PTGS1: variants seen among roughly 807,000 people sequenced by gnomAD.
PTGS1 encodes the protein prostaglandin G/H synthase 1.
PTGS1 carries 40 observed loss-of-function variants against 63.0 expected under a neutral mutation model. That is an observed-to-expected ratio of 0.63 (90% CI 0.49 to 0.83). The LOEUF is 0.83. Ranked by LOEUF, PTGS1 falls within the 40% of genes least tolerant of loss-of-function variation. PTGS1 has a pLI of 0.00. For missense variants in PTGS1, 709 were observed against 786.5 expected, an observed-to-expected ratio of 0.90 and a Z score of 1.18; for synonymous variants, 298 against 301.9, an observed-to-expected ratio of 0.99 and a Z score of 0.13.
chr9:122,372,517 A>G (rs1836864709), intron 2 of PTGS1: 1 of 152,172 alleles, frequency 6.6e-6, no homozygotes, highest in Non-Finnish European at 1.5e-5. Context: ...GACCCAGTCT[A>G]CAGAAGGGGA....
intron 9 of PTGS1, among the ~76,000 whole-genome samples, chr9:122,388,971 A>G (rs1254493528): frequency 6.6e-6 from 1 of 152,074 alleles, no homozygotes; most frequent in Non-Finnish European, 1.5e-5. Flanking sequence ...TTCAACCCTC[A>G]ACAGCCCCAC....
intron 2 of PTGS1, among the ~76,000 whole-genome samples, chr9:122,372,243 G>C (rs1179391060): frequency 6.6e-6 from 1 of 152,190 alleles, no homozygotes; most frequent in African/African-American, 2.4e-5. Context: ...TAAGGATCTG[G>C]TGCGTGGGGG....
intron 2 of PTGS1, among the ~76,000 whole-genome samples, chr9:122,373,295 G>A (rs1446508363): frequency 1.3e-5 from 2 of 152,326 alleles, no homozygotes; most frequent in African/African-American, 2.4e-5. Context: ...AGAAGGTCTG[G>A]GTTGCCCTCA....
chr9:122,379,627 C>T (rs113708294), intron 5 of PTGS1, among the ~76,000 whole-genome samples: 38 of 152,320 alleles, frequency 2.5e-4, no homozygotes, highest in African/African-American at 7.0e-4. Context: ...ACTACTGTGA[C>T]GGTTTTCCAT....
At chr9:122,378,713 A>G in intron 4 of PTGS1, 62 bp from the exon 5 acceptor site, 5 of 1,607,418 alleles carry the variant, frequency 3.1e-6, no homozygotes, top group Non-Finnish European at 4.3e-6. Flanking sequence ...AGGAGGAGGC[A>G]AGAACTGGGA....
Position 122,392,649 on chromosome 9 carries a change from G to C in PTGS1, c.*105G>C. ...AAATGCTCATTTTCTGGTTTGGCATGGTGAGTGTTGGGGTTGACATTTAGA... is the reference window on the plus strand; with the variant it reads ...AAATGCTCATTTTCTGGTTTGGCATCGTGAGTGTTGGGGTTGACATTTAGA... On this transcript the variant is annotated 3_prime_UTR_variant, in exon 11 of 11. Transcript: ENST00000362012. 1.0e-6 allele frequency: 1 copy of C among 995,676 alleles called. No individual in the cohort carries two copies. Among genetic ancestry groups the C allele is most frequent in the South Asian group, 1.6e-5 (1 of 61,102 alleles). The allele number at this position is 995,676 out of a possible 1,614,324, so 61.7% of individuals were successfully genotyped here.
At chr9:122,371,483 G>C in intron 2 of PTGS1, 2 of 1,267,310 alleles carry the variant, frequency 1.6e-6, no homozygotes, top group Non-Finnish European at 2.1e-6. Context: ...GTTCTTTCAG[G>C]GGAAACAGCA....
chr9:122,378,609 C>T lies in PTGS1; in HGVS notation c.352+36C>T, dbSNP rs747742123. 4 of 1,613,794 alleles carry T rather than the reference C, an allele frequency of 2.5e-6. No homozygotes were observed. The South Asian group carries it at 3.3e-5, about 13-fold the overall frequency. ...GGCAGGGCCCCCTGACCTGGGGGAGCAAGCAAGCCTGCTAGTCCTTTTGGA... is the reference window on the plus strand; with the variant it reads ...GGCAGGGCCCCCTGACCTGGGGGAGTAAGCAAGCCTGCTAGTCCTTTTGGA... On this transcript the variant is annotated intron_variant, in intron 4 of 10. Coordinates refer to ENST00000362012, the MANE Select transcript of PTGS1 (RefSeq NM_000962.4).
intron 5 of PTGS1, among the ~76,000 whole-genome samples, chr9:122,380,773 A>G (rs941409252): frequency 1.5e-4 from 23 of 152,190 alleles, no homozygotes; most frequent in African/African-American, 5.3e-4. Flanking sequence ...CCATGCTTAC[A>G]TTATCTCTCG....
In PTGS1 at chr9:122,386,560, G is replaced by A. The variant is rs1273597287; in HGVS notation, c.1124G>A (p.Arg375His). 17 of 1,614,022 alleles carry A rather than the reference G, an allele frequency of 1.1e-5. No homozygotes were observed. The highest frequency in any genetic ancestry group is 4.0e-5 in the African/African-American group (3 of 74,902). Residue 375 changes from arginine to histidine, a missense_variant, in exon 9 of 11, where the codon CGC (arginine) becomes CAC (histidine). Arg to His is a conservative substitution (Grantham distance 29). Transcript: ENST00000362012. ...GGTGTCCAGTTCCAATACCGCAACC[G>A]CATTGCCATGGAGTTCAACCATCTC... is the stretch of plus-strand genomic sequence containing the variant. ...LFGVQFQYRN[R>H]IAMEFNHLYH...
rs1837887472 is a variant in PTGS1, at chr9:122,386,580, C to T, written c.1144C>T (p.His382Tyr). ...YRNRIAMEFN[H>Y]LYHWHPLMPD... ...CAACCGCATTGCCATGGAGTTCAAC[C>T]ATCTCTACCACTGGCACCCCCTCAT... Residue 382 changes from histidine (H) to tyrosine (Y), a missense_variant, in exon 9 of 11, where the codon CAT becomes TAT. His to Tyr is a moderately conservative substitution (Grantham distance 83). Coordinates refer to ENST00000362012, the MANE Select transcript of PTGS1 (RefSeq NM_000962.4). 1 of 1,614,190 alleles carries T rather than the reference C, an allele frequency of 6.2e-7. No homozygotes were observed.
At chr9:122,372,306 G>A (rs532604852) in intron 2 of PTGS1, among the ~76,000 whole-genome samples, 12 of 152,288 alleles carry the variant, frequency 7.9e-5, no homozygotes, top group Non-Finnish European at 1.2e-4. Context: ...TTCCTGAAAC[G>A]GGCTTTGGGT....
intron 5 of PTGS1, 131 bp downstream of exon 5, chr9:122,379,049 A>T: frequency 2.3e-6 from 3 of 1,284,374 alleles, no homozygotes; most frequent in Non-Finnish European, 3.2e-6. Context: ...GACATATGAC[A>T]TGTCCAGAGC....
At chr9:122,386,880 CA>C in intron 9 of PTGS1, 148 bp downstream of exon 9, 1 of 942,346 alleles carries the variant, frequency 1.1e-6, no homozygotes, top group Non-Finnish European at 1.6e-6. Flanking sequence ...TTCATTGGTT[CA>C]TTTGTCCATT....
At chr9:122,391,973 C>G (rs1838312498) in intron 10 of PTGS1, among the ~76,000 whole-genome samples, 1 of 152,074 alleles carries the variant, frequency 6.6e-6, no homozygotes, top group Non-Finnish European at 1.5e-5. Flanking sequence ...TTCCCTAGAC[C>G]CAGTCCCTGA....
chr9:122,381,078 CCA>C (rs1223230718), intron 5 of PTGS1, among the ~76,000 whole-genome samples: 1 of 152,086 alleles, frequency 6.6e-6, no homozygotes, highest in Non-Finnish European at 1.5e-5. Flanking sequence ...CAACATTTAC[CCA>C]CAGTTTCTTC....
At chr9:122,378,049 C>G (rs1012467247) in intron 3 of PTGS1, 34 bp downstream of exon 3, 3 of 1,577,242 alleles carry the variant, frequency 1.9e-6, no homozygotes, top group Non-Finnish European at 2.6e-6. Context: ...CTCCTTCCGT[C>G]TTGAGCCCTT....
intron 8 of PTGS1, among the ~76,000 whole-genome samples, chr9:122,385,228 G>A (rs1837804955): frequency 6.6e-6 from 1 of 152,112 alleles, no homozygotes; most frequent in Non-Finnish European, 1.5e-5. Context: ...AAAGTTCTGG[G>A]TTTATAGGCA....
In PTGS1 at chr9:122,378,625, T is replaced by C. The variant is rs144250971; in HGVS notation, c.352+52T>C. On this transcript the variant is annotated intron_variant, in intron 4 of 10. Transcript: ENST00000362012. ...CTGGGGGAGCAAGCAAGCCTGCTAGTCCTTTTGGATTCTTGGCATCTGATA... is the reference window on the plus strand; with the variant it reads ...CTGGGGGAGCAAGCAAGCCTGCTAGCCCTTTTGGATTCTTGGCATCTGATA... The C allele has an allele frequency of 4.1e-4, 659 of 1,612,654 alleles. 3 individuals carry two copies. The East Asian group carries it at 0.013, about 32-fold the overall frequency.
Sources: gnomAD v4.1 joint callset for allele counts (sites outside exome capture counted in the v4.1 genomes callset) on GRCh38, gnomAD v4.1.1 for gene constraint, MANE v1.5 for transcripts, NCBI Gene and HGNC (gene_info 2026-07-23, HGNC 2026-07-21) for gene names.